The following SPPL3 variants were observed in gnomAD, a reference collection of about 807,000 sequenced individuals.
The protein encoded by SPPL3 is signal peptide peptidase-like 3.
Under a neutral mutation model 42.4 loss-of-function variants are expected in SPPL3, and 5 were observed. The observed-to-expected ratio is 0.12, with a 90% CI of 0.06 to 0.25. The LOEUF (loss-of-function observed/expected upper bound fraction) is 0.25, where lower values mean the gene tolerates loss of function less well. SPPL3 is among the 10% of genes least tolerant of loss of function. The probability of loss-of-function intolerance (pLI) is 1.00; values close to 1 mark genes in which losing one functional copy is unlikely to be tolerated. For missense variants in SPPL3, 235 were observed against 489.0 expected (o/e 0.48, Z 4.90); for synonymous variants, 195 against 181.8 (o/e 1.07, Z -0.58).
chr12:120,841,260 G>A (rs888540443), intron 1 of SPPL3, among the ~76,000 whole-genome samples: 26 of 152,122 alleles, frequency 1.7e-4, no homozygotes, highest in African/African-American at 6.0e-4. Flanking sequence ...GGGAGGCGGA[G>A]GCTGTGGTGA....
chr12:120,823,873 A>AC (rs1303376782), intron 1 of SPPL3, among the ~76,000 whole-genome samples: 1 of 134,162 alleles, frequency 7.5e-6, no homozygotes, highest in Non-Finnish European at 1.7e-5. Context: ...TATCACAAAG[A>AC]CATTTTTTTT....
At chr12:120,796,476 G>A (rs753034242) in intron 2 of SPPL3, among the ~76,000 whole-genome samples, 15 of 152,154 alleles carry the variant, frequency 9.9e-5, no homozygotes, top group South Asian at 2.1e-4. Flanking sequence ...TAACATCTGT[G>A]TCAGTTCTGG....
Position 120,822,872 on chromosome 12 carries a change from T to C in SPPL3, c.24-11986A>G, listed in dbSNP as rs1378252493. ...AACTAGAATAAATACCTCTGGTCAC[T>C]GTTCTGTCCTATCTTATGTATCACC... On this transcript the variant is annotated intron_variant, in intron 1 of 10. Coordinates refer to ENST00000353487, the MANE Select transcript of SPPL3 (RefSeq NM_139015.5). 1.2e-4 allele frequency among the ~76,000 whole-genome samples: 18 copies of C among 152,234 alleles called. No homozygotes were observed. The East Asian group carries it at 3.1e-3, about 26-fold the overall frequency.
chr12:120,847,948 A>G (rs527253134), intron 1 of SPPL3, among the ~76,000 whole-genome samples: 3 of 152,160 alleles, frequency 2.0e-5, no homozygotes, highest in Admixed American at 6.5e-5. Context: ...AAGTTTGGGG[A>G]GAGAGTGATT....
intron 1 of SPPL3, among the ~76,000 whole-genome samples, chr12:120,820,882 T>C (rs962654406): frequency 2.6e-5 from 4 of 152,164 alleles, no homozygotes; most frequent in African/African-American, 9.7e-5. Flanking sequence ...TGCTTGAGCC[T>C]AGTAGTTCAA....
intron 6 of SPPL3, among the ~76,000 whole-genome samples, chr12:120,777,465 AATT>A (rs1869364418): frequency 1.3e-5 from 2 of 152,234 alleles, no homozygotes; most frequent in South Asian, 4.1e-4. Context: ...TAAGTTAACA[AATT>A]ATTGTTTGCA....
chr12:120,794,038 G>A (rs1347893351), intron 2 of SPPL3, among the ~76,000 whole-genome samples: 2 of 152,134 alleles, frequency 1.3e-5, no homozygotes, highest in Non-Finnish European at 2.9e-5. Context: ...TCTCCTTGCA[G>A]TTCTCTCAGT....
intron 2 of SPPL3, among the ~76,000 whole-genome samples, chr12:120,807,082 C>G (rs925632448): frequency 6.6e-6 from 1 of 152,036 alleles, no homozygotes; most frequent in African/African-American, 2.4e-5. Context: ...AGTTGCAAAT[C>G]ATATGACTGA....
At chr12:120,797,620 C>T (rs1870148078) in intron 2 of SPPL3, among the ~76,000 whole-genome samples, 1 of 152,080 alleles carries the variant, frequency 6.6e-6, no homozygotes, top group Admixed American at 6.6e-5. Context: ...CTGAACTGGA[C>T]AGATTTTTAA....
intron 1 of SPPL3, among the ~76,000 whole-genome samples, chr12:120,874,452 C>CAAAAAAAAAAAAAAAAAAAAAAAAAA (rs71076673): frequency 1.0e-5 from 1 of 97,436 alleles, no homozygotes; most frequent in East Asian, 3.0e-4. Flanking sequence ...GACCCTGTCG[C>CAAAAAAAAAAAAAAAAAAAAAAAAAA]AAAAAAAAAA....
chr12:120,802,215 A>T (rs1335958692), intron 2 of SPPL3, among the ~76,000 whole-genome samples: 2 of 151,796 alleles, frequency 1.3e-5, no homozygotes. Flanking sequence ...ACATGGGCTT[A>T]TATTTAGGTA....
chr12:120,847,829 C>T (rs185370713), intron 1 of SPPL3, among the ~76,000 whole-genome samples: 2 of 152,224 alleles, frequency 1.3e-5, no homozygotes, highest in Admixed American at 1.3e-4. Context: ...TTTCTGTTCT[C>T]CTGTACCTGA....
intron 1 of SPPL3, among the ~76,000 whole-genome samples, chr12:120,854,286 G>T (rs1489754077): frequency 6.6e-6 from 1 of 152,172 alleles, no homozygotes; most frequent in Non-Finnish European, 1.5e-5. Context: ...ACATTCAGTG[G>T]GAGGTAAACA....
Position 120,785,314 on chromosome 12 carries a change from G to A in SPPL3, c.191-721C>T, listed in dbSNP as rs1319336099. On this transcript the variant is annotated intron_variant, in intron 3 of 10. Coordinates refer to ENST00000353487, the MANE Select transcript of SPPL3 (RefSeq NM_139015.5). ...AGGTACCAGAATAGGAGATGAATAC[G>A]GGAAAATAATCTCTTGGGCTAGAGT... is the stretch of plus-strand genomic sequence containing the variant. Among the ~76,000 whole-genome samples the A allele has an allele frequency of 5.3e-5, 8 of 152,130 alleles. No individual in the cohort carries two copies. The East Asian group carries it at 7.7e-4, about 15-fold the overall frequency.
At chr12:120,847,501 C>T (rs1047554830) in intron 1 of SPPL3, among the ~76,000 whole-genome samples, 3 of 151,876 alleles carry the variant, frequency 2.0e-5, no homozygotes, top group Non-Finnish European at 4.4e-5. Context: ...ACATGTTGCC[C>T]AGGCTGGTCT....
chr12:120,846,017 C>T lies in SPPL3; in HGVS notation c.24-35131G>A, dbSNP rs150272729. Among the ~76,000 whole-genome samples, 211 of 152,180 alleles carry T rather than the reference C, an allele frequency of 1.4e-3. 2 individuals carry two copies. In the East Asian group the frequency reaches 0.024, roughly 17 times the overall value. Reference sequence around the variant, plus strand: ...GGTTCAAGCGATTCTTATACCTTAGCCCCCAAGTAGCTGGGACCACAGGTG... The same window carrying T: ...GGTTCAAGCGATTCTTATACCTTAGTCCCCAAGTAGCTGGGACCACAGGTG... On this transcript the variant is annotated intron_variant, in intron 1 of 10. Coordinates refer to ENST00000353487, the MANE Select transcript of SPPL3 (RefSeq NM_139015.5).
rs869283065 is a variant in SPPL3, at chr12:120,898,314, TAAAAAAAAAAAAAA to T, written c.23+5517_23+5530del. Reference sequence around the variant, plus strand: ...AGACTCTGTTTTTTTTTTTTTTTTTTAAAAAAAAAAAAAAAAAAAAAGATGGGTAGCACAGAGCA... The same window carrying T: ...AGACTCTGTTTTTTTTTTTTTTTTTTAAAAAAAGATGGGTAGCACAGAGCA... On this transcript the variant is annotated intron_variant, in intron 1 of 10. Coordinates refer to ENST00000353487, the MANE Select transcript of SPPL3 (RefSeq NM_139015.5). Among the ~76,000 whole-genome samples the T allele has an allele frequency of 8.7e-3, 559 of 64,342 alleles. 5 individuals carry two copies. Among genetic ancestry groups the T allele is most frequent in the African/African-American group, 0.03 (534 of 17,676 alleles). 42.2% of individuals were successfully genotyped at this position (64,342 alleles called of 152,430 possible).
chr12:120,764,286 TTTTGTTTATTCATA>T lies in SPPL3; in HGVS notation c.*699_*712del, dbSNP rs1868790385. 6.6e-6 allele frequency: 1 copy of T among 152,126 alleles called. No homozygotes were observed. The highest frequency in any genetic ancestry group is 1.5e-5 in the Non-Finnish European group (1 of 68,048). 9.4% of individuals were successfully genotyped at this position (152,126 alleles called of 1,614,324 possible). A position where few individuals can be genotyped will look rare whatever the true frequency, so the allele number is the denominator to read the frequency against. On this transcript the variant is annotated 3_prime_UTR_variant, in exon 11 of 11. Coordinates refer to ENST00000353487, the MANE Select transcript of SPPL3 (RefSeq NM_139015.5). Reference sequence around the variant, plus strand: ...CAGCGTGATCTTAGCAGGATTTCATTTTTGTTTATTCATATATATCTATGTGTGTGTTTATATAT... The same window carrying T: ...CAGCGTGATCTTAGCAGGATTTCATTTATATCTATGTGTGTGTTTATATAT...
intron 1 of SPPL3, among the ~76,000 whole-genome samples, chr12:120,894,243 G>A (rs1014750795): frequency 6.6e-6 from 1 of 152,224 alleles, no homozygotes; most frequent in South Asian, 2.1e-4. Flanking sequence ...AGAATCACTT[G>A]AACCCGGGAG....
Sources: allele counts gnomAD v4.1 joint callset (sites outside exome capture counted in the v4.1 genomes callset), GRCh38; gene constraint gnomAD v4.1.1; transcripts MANE v1.5; gene names NCBI Gene and HGNC (gene_info 2026-07-23, HGNC 2026-07-21).